The following XPO4 variants were observed in gnomAD, a reference collection of about 807,000 sequenced individuals.
XPO4 encodes the protein exportin-4.
XPO4 carries 39 observed loss-of-function variants against 143.0 expected under a neutral mutation model. The observed-to-expected ratio is 0.27, with a 90% CI of 0.21 to 0.36. The LOEUF (loss-of-function observed/expected upper bound fraction) is 0.36, where lower values mean the gene tolerates loss of function less well. Among genes scored for constraint, XPO4 ranks in the 10% least tolerant of loss-of-function variants. The probability of loss-of-function intolerance (pLI) is 1.00; values close to 1 mark genes in which losing one functional copy is unlikely to be tolerated. For missense variants in XPO4, 907 were observed against 1,348.0 expected, an observed-to-expected ratio of 0.67 and a Z score of 5.12; for synonymous variants, 439 against 474.0, an observed-to-expected ratio of 0.93 and a Z score of 0.96.
chr13:20,847,906 G>GT (rs1469160230), intron 4 of XPO4, among the ~76,000 whole-genome samples: 1 of 152,156 alleles, frequency 6.6e-6, no homozygotes, highest in East Asian at 1.9e-4. Flanking sequence ...TGTTAATTTT[G>GT]TAAATGCAGC....
At chr13:20,843,627 T>C (rs1443042733) in intron 5 of XPO4, 143 bp downstream of exon 5, 3 of 620,770 alleles carry the variant, frequency 4.8e-6, no homozygotes, top group Admixed American at 6.0e-5. Context: ...CATTTTACTA[T>C]ATCCTTTGAA....
intron 18 of XPO4, 116 bp downstream of exon 18, chr13:20,795,960 T>A: frequency 8.7e-7 from 1 of 1,155,686 alleles, no homozygotes; most frequent in Non-Finnish European, 1.2e-6. Flanking sequence ...AGATCTTCTT[T>A]CATTTATTCC....
In XPO4 at chr13:20,858,017, C is replaced by T. The variant is rs902767695; in HGVS notation, c.318-2252G>A. ...TTCTACCTATGCAGTATGCCAAAAA[C>T]GTTTAACTTGAATCTAATCCACACT... On this transcript the variant is annotated intron_variant, in intron 3 of 22. Transcript: ENST00000255305. 27 of 981,808 alleles carry T rather than the reference C, an allele frequency of 2.8e-5. No individual in the cohort carries two copies. The African/African-American group carries it at 2.8e-4, about 10-fold the overall frequency. The allele number at this position is 981,808 out of a possible 1,614,324, so 60.8% of individuals were successfully genotyped here. A position where few individuals can be genotyped will look rare whatever the true frequency, so the allele number is the denominator to read the frequency against.
chr13:20,813,554 C>T (rs538119237), intron 9 of XPO4, among the ~76,000 whole-genome samples: 21 of 152,152 alleles, frequency 1.4e-4, no homozygotes, highest in Non-Finnish European at 2.6e-4. Context: ...CTCACATACA[C>T]GTAATACACT....
chr13:20,790,620 C>T, intron 18 of XPO4, 40 bp from the exon 19 acceptor site: 1 of 1,502,502 alleles, frequency 6.7e-7, no homozygotes, highest in Non-Finnish European at 9.2e-7. Flanking sequence ...GTGGTAACAT[C>T]AATAAATCTT....
chr13:20,850,081 G>A, intron 4 of XPO4: 1 of 970,832 alleles, frequency 1.0e-6, no homozygotes, highest in Non-Finnish European at 1.2e-6. Flanking sequence ...ACTCCAGCCT[G>A]GGCGACAGAG....
intron 3 of XPO4, chr13:20,856,320 C>CACA: frequency 1.1e-5 from 11 of 984,978 alleles, no homozygotes; most frequent in Non-Finnish European, 1.3e-5. Flanking sequence ...TTGTAAAACA[C>CACA]ACACACACAA....
Position 20,807,525 on chromosome 13 carries a change from T to C in XPO4, c.1749A>G (p.Gln583=). The change falls in exon 13 of 23, where the codon CAA becomes CAG. Residue 583 remains glutamine (Q), a synonymous_variant. Coordinates refer to ENST00000255305, the MANE Select transcript of XPO4 (RefSeq NM_022459.5). The stretch of plus-strand genomic sequence containing the variant: ...CCTTTTCTCCTGGAGATCCCAAAAT[T>C]TGAAGTGTTGTATTAATGTCAACTT... ...SSEVDINTTL[Q]ILGSPGEKAS... is the part of the protein sequence containing the mutation. The C allele has an allele frequency of 6.2e-7, 1 of 1,613,720 alleles. No individual in the cohort carries two copies. Among genetic ancestry groups the C allele is most frequent in the Non-Finnish European group, 8.5e-7 (1 of 1,179,872 alleles).
intron 1 of XPO4, among the ~76,000 whole-genome samples, chr13:20,899,895 A>G (rs1235107353): frequency 6.6e-6 from 1 of 152,220 alleles, no homozygotes; most frequent in Non-Finnish European, 1.5e-5. Context: ...AATGCTTAAT[A>G]ATTGACGGAG....
intron 19 of XPO4, among the ~76,000 whole-genome samples, chr13:20,789,987 T>G (rs2059258976): frequency 6.6e-6 from 1 of 152,152 alleles, no homozygotes; most frequent in South Asian, 2.1e-4. Context: ...GCAAAAACTT[T>G]AAAACAGCAT....
At position 20,859,863 on chromosome 13, in the gene XPO4, T is replaced by C. The variant is rs1167533004; in HGVS notation, c.317+2854A>G. On this transcript the variant is annotated intron_variant, in intron 3 of 22. Coordinates refer to ENST00000255305, the MANE Select transcript of XPO4 (RefSeq NM_022459.5). The stretch of plus-strand genomic sequence containing the variant: ...GGATAATATAAGAGCCAGACACATA[T>C]ACATAATGAAAATTTGCTACACATT... 1.4e-5 allele frequency: 14 copies of C among 979,630 alleles called. No individual in the cohort carries two copies. In the East Asian group the frequency reaches 1.0e-3, roughly 72 times the overall value. 60.7% of individuals were successfully genotyped at this position (979,630 alleles called of 1,614,324 possible). A position where few individuals can be genotyped will look rare whatever the true frequency, so the allele number is the denominator to read the frequency against.
intron 7 of XPO4, among the ~76,000 whole-genome samples, chr13:20,822,583 G>A (rs2059733991): frequency 1.3e-5 from 2 of 152,166 alleles, no homozygotes; most frequent in South Asian, 2.1e-4. Context: ...CAGACATACT[G>A]CTTCTTCTAA....
At chr13:20,807,864 AGGGGCT>A (rs2059527714) in intron 12 of XPO4, among the ~76,000 whole-genome samples, 1 of 152,204 alleles carries the variant, frequency 6.6e-6, no homozygotes, top group African/African-American at 2.4e-5. Context: ...TGTAATTCAT[AGGGGCT>A]TTTTAATCTA....
intron 4 of XPO4, among the ~76,000 whole-genome samples, chr13:20,845,648 T>A (rs2138069062): frequency 6.6e-6 from 1 of 152,336 alleles, no homozygotes; most frequent in Non-Finnish European, 1.5e-5. Context: ...TTTTTTTAGT[T>A]AACAAAATTG....
At chr13:20,836,515 A>C (rs1189062447) in intron 6 of XPO4, among the ~76,000 whole-genome samples, 1 of 151,962 alleles carries the variant, frequency 6.6e-6, no homozygotes, top group Non-Finnish European at 1.5e-5. Context: ...TCCTTCTTGG[A>C]CCACCTCTCC....
At chr13:20,864,712 G>A (rs1305320235) in intron 2 of XPO4, among the ~76,000 whole-genome samples, 1 of 152,082 alleles carries the variant, frequency 6.6e-6, no homozygotes, top group Non-Finnish European at 1.5e-5. Context: ...CTTTGGAGGT[G>A]GGTGGGTGTT....
chr13:20,900,765 T>C (rs1043361080), intron 1 of XPO4, among the ~76,000 whole-genome samples: 2 of 151,052 alleles, frequency 1.3e-5, no homozygotes, highest in Non-Finnish European at 3.0e-5. Context: ...GTGCCAGCCA[T>C]CACGCCCGGC....
At chr13:20,877,109 C>CCA (rs1453213110) in intron 1 of XPO4, among the ~76,000 whole-genome samples, 1 of 152,144 alleles carries the variant, frequency 6.6e-6, no homozygotes, top group Non-Finnish European at 1.5e-5. Context: ...CCAAGTGCCC[C>CCA]CACTCGACCC....
chr13:20,813,333 T>G (rs1314970950), intron 9 of XPO4, among the ~76,000 whole-genome samples: 1 of 152,134 alleles, frequency 6.6e-6, no homozygotes, highest in South Asian at 2.1e-4. Flanking sequence ...ATATAGACTT[T>G]CTACAAATCA....
Sources: allele counts gnomAD v4.1 joint callset (sites outside exome capture counted in the v4.1 genomes callset), GRCh38; gene constraint gnomAD v4.1.1; transcripts MANE v1.5; gene names NCBI Gene and HGNC (gene_info 2026-07-23, HGNC 2026-07-21).